FABP12: variants seen among roughly 807,000 people sequenced by gnomAD.
FABP12 encodes fatty acid-binding protein 12.
Under a neutral mutation model 13.7 loss-of-function variants are expected in FABP12, and 19 were observed. That is an observed-to-expected ratio of 1.39 (90% CI 0.97 to 2.04). The LOEUF (loss-of-function observed/expected upper bound fraction) is 2.04, where lower values mean the gene tolerates loss of function less well. Among genes scored for constraint, FABP12 ranks in the 30% most tolerant of loss-of-function variants. The pLI is 0.00. For missense variants in FABP12, 182 were observed against 164.2 expected, an observed-to-expected ratio of 1.11 and a Z score of -0.59; for synonymous variants, 61 against 57.0, an observed-to-expected ratio of 1.07 and a Z score of -0.32.
intron 1 of FABP12, among the ~76,000 whole-genome samples, chr8:81,551,498 T>TA (rs1809521698): frequency 6.6e-6 from 1 of 152,154 alleles, no homozygotes; most frequent in African/African-American, 2.4e-5. Context: ...AGAGGTGAAA[T>TA]ACTCGTTTTA....
chr8:81,527,982 A>C (rs1808953122), intron 3 of FABP12, among the ~76,000 whole-genome samples: 1 of 152,090 alleles, frequency 6.6e-6, no homozygotes. Context: ...ATAATAATAC[A>C]TGTGAAACTA....
At chr8:81,576,980 CTCAAT>C (rs1365008476) in intron 1 of FABP12, among the ~76,000 whole-genome samples, 1 of 152,172 alleles carries the variant, frequency 6.6e-6, no homozygotes, top group Non-Finnish European at 1.5e-5. Context: ...CATATACCAC[CTCAAT>C]AGAACCAGGA....
chr8:81,527,823 G>T lies in FABP12; in HGVS notation c.247-702C>A, dbSNP rs141153583. On this transcript the variant is annotated intron_variant, in intron 3 of 4. Coordinates refer to ENST00000360464, the Ensembl canonical transcript of FABP12. ...AAAAATAATAAATTAGCCAGGTGTT[G>T]TGGCACATGCCTATAGTCCCAGCTA... is the stretch of plus-strand genomic sequence containing the variant. 5.6e-3 allele frequency among the ~76,000 whole-genome samples: 859 copies of T among 152,200 alleles called. 6 individuals are homozygous for T. Among genetic ancestry groups the T allele is most frequent in the African/African-American group, 0.019 (804 of 41,528 alleles).
At chr8:81,556,017 T>A (rs540303710) in intron 1 of FABP12, among the ~76,000 whole-genome samples, 3 of 152,122 alleles carry the variant, frequency 2.0e-5, no homozygotes, top group Non-Finnish European at 4.4e-5. Context: ...TGGTAACAGA[T>A]CATGCTTTTT....
At chr8:81,545,969 A>G (rs571695295) in intron 1 of FABP12, among the ~76,000 whole-genome samples, 1 of 152,328 alleles carries the variant, frequency 6.6e-6, no homozygotes, top group East Asian at 1.9e-4. Context: ...CTGGATACAC[A>G]ATTAGTAAGA....
chr8:81,580,269 G>A (rs1376605420), intron 1 of FABP12, among the ~76,000 whole-genome samples: 3 of 152,166 alleles, frequency 2.0e-5, no homozygotes, highest in Non-Finnish European at 2.9e-5. Flanking sequence ...TATGTAATTT[G>A]TTAAAATTTT....
At chr8:81,530,761 A>G (rs1268512013) in intron 2 of FABP12, among the ~76,000 whole-genome samples, 1 of 152,210 alleles carries the variant, frequency 6.6e-6, no homozygotes, top group East Asian at 1.9e-4. Flanking sequence ...AAACATAATC[A>G]TAAATTTCCT....
intron 1 of FABP12, among the ~76,000 whole-genome samples, chr8:81,543,119 T>G (rs1273243719): frequency 1.3e-5 from 2 of 152,336 alleles, no homozygotes; most frequent in East Asian, 3.9e-4. Flanking sequence ...AAAATTACAA[T>G]GAAATATCCA....
chr8:81,565,279 C>A (rs1809796803), intron 1 of FABP12, among the ~76,000 whole-genome samples: 1 of 151,944 alleles, frequency 6.6e-6, no homozygotes, highest in East Asian at 1.9e-4. Context: ...GACAGACTAT[C>A]CAGACAGAAA....
intron 1 of FABP12, among the ~76,000 whole-genome samples, chr8:81,539,910 C>T (rs534367938): frequency 2.0e-4 from 31 of 152,324 alleles, no homozygotes; most frequent in Non-Finnish European, 2.6e-4. Context: ...CGGCCAATTA[C>T]GCTTTAATCA....
chr8:81,567,205 A>G (rs1007740198), intron 1 of FABP12, among the ~76,000 whole-genome samples: 8 of 152,226 alleles, frequency 5.3e-5, no homozygotes, highest in Non-Finnish European at 1.5e-5. Context: ...AAGAATCAAG[A>G]TTGTTAAAAT....
At chr8:81,525,051 A>G (rs190435213) in exon 5 of FABP12, 1 of 1,593,232 alleles carries the variant, frequency 6.3e-7, no homozygotes, top group Admixed American at 1.7e-5. Context: ...AAGCCTTAAG[A>G]GTTTGAGACT....
At chr8:81,574,760 A>ATGATGTTTTG (rs1222403261) in intron 1 of FABP12, among the ~76,000 whole-genome samples, 4 of 152,066 alleles carry the variant, frequency 2.6e-5, no homozygotes, top group African/African-American at 9.7e-5. Context: ...GTAGCCTTGA[A>ATGATGTTTTG]TGATGTTTTG....
chr8:81,543,098 T>G (rs980922314), intron 1 of FABP12, among the ~76,000 whole-genome samples: 1 of 152,218 alleles, frequency 6.6e-6, no homozygotes, highest in Non-Finnish European at 1.5e-5. Context: ...ATTTTCACAC[T>G]TCGGAGTCTA....
At chr8:81,555,382 CT>C (rs1809594815) in intron 1 of FABP12, among the ~76,000 whole-genome samples, 1 of 152,166 alleles carries the variant, frequency 6.6e-6, no homozygotes, top group Non-Finnish European at 1.5e-5. Context: ...GAAAATCTAA[CT>C]TTAATTGTTT....
At chr8:81,571,448 C>T (rs1809931335) in intron 1 of FABP12, among the ~76,000 whole-genome samples, 2 of 152,370 alleles carry the variant, frequency 1.3e-5, no homozygotes, top group South Asian at 4.1e-4. Context: ...ACAGGGGACG[C>T]ACTGCTGCTA....
chr8:81,570,126 G>T (rs1273475221), intron 1 of FABP12, among the ~76,000 whole-genome samples: 1 of 152,234 alleles, frequency 6.6e-6, no homozygotes, highest in African/African-American at 2.4e-5. Context: ...ATTGCAAACA[G>T]CTTCCCCAGC....
intron 1 of FABP12, among the ~76,000 whole-genome samples, chr8:81,588,721 T>C (rs1325913985): frequency 2.0e-5 from 3 of 152,242 alleles, no homozygotes; most frequent in Non-Finnish European, 2.9e-5. Flanking sequence ...ATTCTAGTAT[T>C]ATTTTAAATC....
chr8:81,532,594 G>A (rs571913284), intron 1 of FABP12, among the ~76,000 whole-genome samples: 3 of 152,296 alleles, frequency 2.0e-5, no homozygotes, highest in East Asian at 1.9e-4. Context: ...AGGCCCAGGC[G>A]GGCAGATCAT....
Sources: allele counts gnomAD v4.1 joint callset (sites outside exome capture counted in the v4.1 genomes callset), GRCh38; gene constraint gnomAD v4.1.1; transcripts MANE v1.5; gene names NCBI Gene and HGNC (gene_info 2026-07-23, HGNC 2026-07-21).